Variants in LRRC4C observed in about 807,000 individuals in gnomAD.
The protein encoded by LRRC4C is leucine rich repeat containing 4C.
Under a neutral mutation model 33.6 loss-of-function variants are expected in LRRC4C, and 5 were observed. That is an observed-to-expected ratio of 0.15 (90% CI 0.08 to 0.31). The LOEUF (loss-of-function observed/expected upper bound fraction) is 0.31, where lower values mean the gene tolerates loss of function less well. Among genes scored for constraint, LRRC4C ranks in the 10% least tolerant of loss-of-function variants. LRRC4C has a pLI of 1.00. For synonymous variants in LRRC4C, 329 were observed against 302.0 expected, an observed-to-expected ratio of 1.09 and a Z score of -0.93; for missense variants, 560 against 796.7, an observed-to-expected ratio of 0.70 and a Z score of 3.58.
intron 1 of LRRC4C, among the ~76,000 whole-genome samples, chr11:41,039,636 C>T (rs2137951315): frequency 6.6e-6 from 1 of 152,210 alleles, no homozygotes; most frequent in Admixed American, 6.5e-5. Flanking sequence ...TGCATTTAAA[C>T]AAACAATATT....
At chr11:41,172,694 G>A (rs548456750) in intron 1 of LRRC4C, among the ~76,000 whole-genome samples, 4 of 151,954 alleles carry the variant, frequency 2.6e-5, no homozygotes, top group Non-Finnish European at 5.9e-5. Context: ...CGTGCCTATG[G>A]GAAATACCCT....
At chr11:40,470,853 C>T (rs1952896057) in intron 3 of LRRC4C, among the ~76,000 whole-genome samples, 1 of 152,034 alleles carries the variant, frequency 6.6e-6, no homozygotes, top group Non-Finnish European at 1.5e-5. Context: ...TGAAAAGGAA[C>T]TAACAAAGCC....
At chr11:40,486,424 A>G (rs1953868745) in intron 3 of LRRC4C, among the ~76,000 whole-genome samples, 1 of 152,064 alleles carries the variant, frequency 6.6e-6, no homozygotes, top group Admixed American at 6.6e-5. Flanking sequence ...TCAGGGGGAA[A>G]ATAGGAAATT....
chr11:41,243,313 T>C (rs183631772), intron 1 of LRRC4C, among the ~76,000 whole-genome samples: 14 of 152,214 alleles, frequency 9.2e-5, no homozygotes, highest in Non-Finnish European at 1.6e-4. Flanking sequence ...CTTGTTTAAC[T>C]AAAAGATAAA....
chr11:40,120,524 G>A (rs1355862462), intron 6 of LRRC4C, among the ~76,000 whole-genome samples: 2 of 151,864 alleles, frequency 1.3e-5, no homozygotes, highest in Non-Finnish European at 2.9e-5. Flanking sequence ...AGGGGGAGAG[G>A]GCCTATGTTA....
chr11:40,164,709 C>G (rs972452049), intron 5 of LRRC4C, among the ~76,000 whole-genome samples: 1 of 151,994 alleles, frequency 6.6e-6, no homozygotes, highest in East Asian at 1.9e-4. Context: ...GGAAGGGGGT[C>G]GGGGACGATT....
intron 1 of LRRC4C, among the ~76,000 whole-genome samples, chr11:41,052,149 C>T (rs1350682111): frequency 6.6e-6 from 1 of 151,982 alleles, no homozygotes; most frequent in African/African-American, 2.4e-5. Flanking sequence ...CACTGCACAC[C>T]CTATGATTCA....
intron 3 of LRRC4C, among the ~76,000 whole-genome samples, chr11:40,642,326 G>T (rs1245472519): frequency 6.6e-6 from 1 of 152,126 alleles, no homozygotes; most frequent in Non-Finnish European, 1.5e-5. Flanking sequence ...AAAGAAATAG[G>T]AAATGTGACA....
chr11:41,156,504 C>T (rs964750516), intron 1 of LRRC4C, among the ~76,000 whole-genome samples: 6 of 152,038 alleles, frequency 3.9e-5, no homozygotes, highest in African/African-American at 1.4e-4. Flanking sequence ...TTAACAATTT[C>T]TGATTGTTCT....
chr11:40,862,720 A>C (rs1954162933), intron 2 of LRRC4C, among the ~76,000 whole-genome samples: 1 of 152,170 alleles, frequency 6.6e-6, no homozygotes, highest in African/African-American at 2.4e-5. Context: ...TTGAATGTTG[A>C]TGTCCTGATT....
At chr11:40,135,579 T>C (rs527673565) in intron 6 of LRRC4C, among the ~76,000 whole-genome samples, 1 of 152,322 alleles carries the variant, frequency 6.6e-6, no homozygotes, top group East Asian at 1.9e-4. Context: ...GATAAGAAAG[T>C]AGGGAAGCCT....
At chr11:41,088,334 C>T (rs1021290603) in intron 1 of LRRC4C, among the ~76,000 whole-genome samples, 4 of 151,978 alleles carry the variant, frequency 2.6e-5, no homozygotes, top group Non-Finnish European at 5.9e-5. Context: ...TTCCTATTTT[C>T]TTGTTTTTGA....
chr11:40,530,795 G>A (rs1956242111), intron 3 of LRRC4C, among the ~76,000 whole-genome samples: 1 of 152,082 alleles, frequency 6.6e-6, no homozygotes, highest in Non-Finnish European at 1.5e-5. Flanking sequence ...AAGAAATAGG[G>A]AAATTTACCT....
At chr11:40,281,970 T>C (rs767149307) in intron 4 of LRRC4C, among the ~76,000 whole-genome samples, 1 of 152,176 alleles carries the variant, frequency 6.6e-6, no homozygotes, top group Non-Finnish European at 1.5e-5. Flanking sequence ...TCAAAATTGA[T>C]GAGCTAAAGC....
intron 3 of LRRC4C, among the ~76,000 whole-genome samples, chr11:40,468,509 A>G (rs368361466): frequency 6.6e-5 from 10 of 152,234 alleles, no homozygotes; most frequent in African/African-American, 2.4e-4. Context: ...AGTAAAATCT[A>G]GAATGGTTTT....
chr11:40,137,442 T>C (rs1438514176), intron 6 of LRRC4C, among the ~76,000 whole-genome samples: 1 of 152,126 alleles, frequency 6.6e-6, no homozygotes, highest in African/African-American at 2.4e-5. Flanking sequence ...ATCCCTGAAA[T>C]TGAGAATTAC....
At chr11:40,824,027 A>G (rs7945660) in intron 2 of LRRC4C, among the ~76,000 whole-genome samples, 97,225 of 151,838 alleles carry the variant, frequency 0.64, 33,568 homozygotes, top group East Asian at 0.86. Flanking sequence ...ATATTAAGTG[A>G]AAGAAACCAG....
chr11:41,043,132 G>A (rs1857551535), intron 1 of LRRC4C, among the ~76,000 whole-genome samples: 1 of 92,642 alleles, frequency 1.1e-5, no homozygotes, highest in Non-Finnish European at 2.0e-5. Context: ...TATTTGATTT[G>A]ATGAGCTTGA....
At chr11:41,247,681 A>T (rs12419674) in intron 1 of LRRC4C, among the ~76,000 whole-genome samples, 27,686 of 152,140 alleles carry the variant, frequency 0.18, 3,087 homozygotes, top group East Asian at 0.44. Context: ...AGAAGGGAAC[A>T]TTTGTCTGCA....
Sources: allele counts gnomAD v4.1 joint callset (sites outside exome capture counted in the v4.1 genomes callset), GRCh38; gene constraint gnomAD v4.1.1; transcripts MANE v1.5; gene names NCBI Gene and HGNC (gene_info 2026-07-23, HGNC 2026-07-21).